CC2D1A: variants seen among roughly 807,000 people sequenced by gnomAD.
CC2D1A encodes the protein coiled-coil and C2 domain-containing protein 1A.
In CC2D1A, 68 loss-of-function variants were observed where a neutral mutation model predicts 123.8. That is an observed-to-expected ratio of 0.55 (90% CI 0.45 to 0.67). CC2D1A has a LOEUF of 0.67. CC2D1A is among the 30% of genes least tolerant of loss of function. The probability of loss-of-function intolerance (pLI) is 0.00; values close to 1 mark genes in which losing one functional copy is unlikely to be tolerated. For synonymous variants in CC2D1A, 477 were observed against 528.0 expected (o/e 0.90, Z 1.32); for missense variants, 1,185 against 1,290.3 (o/e 0.92, Z 1.25).
intron 17 of CC2D1A, among the ~76,000 whole-genome samples, chr19:13,926,058 G>GTGTATATA (rs1568419088): frequency 1.0e-5 from 1 of 98,982 alleles, no homozygotes; most frequent in Non-Finnish European, 2.0e-5. Context: ...GTATATATAT[G>GTGTATATA]TATATATACA....
chr19:13,913,754 T>A, intron 6 of CC2D1A, 116 bp downstream of exon 6: 2 of 742,126 alleles, frequency 2.7e-6, no homozygotes, highest in Non-Finnish European at 4.3e-6. Flanking sequence ...ACACCCTGAG[T>A]CCTGGGGTCT....
chr19:13,907,800 G>C (rs531051151), intron 1 of CC2D1A, among the ~76,000 whole-genome samples: 1 of 152,252 alleles, frequency 6.6e-6, no homozygotes, highest in Non-Finnish European at 1.5e-5. Context: ...GAAAGTGCTA[G>C]AACATAGCAC....
At chr19:13,927,106 G>C in intron 21 of CC2D1A, 29 bp downstream of exon 21, 1 of 1,611,176 alleles carries the variant, frequency 6.2e-7, no homozygotes. Context: ...TGGCCGCTGG[G>C]TGGGCTCCAG....
In CC2D1A at chr19:13,926,599, G is replaced by T. The variant is rs1455474986; in HGVS notation, c.2014+9G>T. 1.2e-6 allele frequency: 2 copies of T among 1,614,178 alleles called. No homozygotes were observed. The highest frequency in any genetic ancestry group is 1.7e-5 in the Admixed American group (1 of 60,024). On this transcript the variant is annotated intron_variant, in intron 18 of 28. Transcript: ENST00000318003. ...CTTGCCCACACCCCCAGGTGAGGGG[G>T]CTGTAGGCAAGGGTCAGGGTCATGG...
At chr19:13,910,698 G>A (rs1970970299) in intron 2 of CC2D1A, among the ~76,000 whole-genome samples, 1 of 152,128 alleles carries the variant, frequency 6.6e-6, no homozygotes, top group Admixed American at 6.6e-5. Context: ...ATCACTTGGG[G>A]CCAGGAGTTC....
chr19:13,906,441 G>A lies in CC2D1A; in HGVS notation c.-1G>A. 3 of 1,518,736 alleles carry A rather than the reference G, an allele frequency of 2.0e-6. 1 individual carries two copies. In the South Asian group the frequency reaches 3.7e-5, roughly 19 times the overall value. The allele number at this position is 1,518,736 out of a possible 1,614,324, so 94.1% of individuals were successfully genotyped here. A position where few individuals can be genotyped will look rare whatever the true frequency, so the allele number is the denominator to read the frequency against. ...GGTGGTCCGGGCATCCAGCCTTGAA[G>A]ATGCACAAGAGGAAAGGACCCCCGG... On this transcript the variant is annotated 5_prime_UTR_variant, in exon 1 of 29. Coordinates refer to ENST00000318003, the MANE Select transcript of CC2D1A (RefSeq NM_017721.5). The surrounding 1 kb of genome is among the most constrained non-coding windows in gnomAD (Gnocchi z 4.1).
Position 13,930,687 on chromosome 19 carries a change from T to TG in CC2D1A, c.*296dup. On this transcript the variant is annotated 3_prime_UTR_variant, in exon 29 of 29. Transcript: ENST00000318003. The surrounding 1 kb of genome is among the most constrained non-coding windows in gnomAD (Gnocchi z 6.8). Reference sequence around the variant, plus strand: ...CCCGCCCCGGAGCAGGGAGGGTGGCTGGGGCCAAGCCCCGAGGGCCCCTGC... The same window carrying TG: ...CCCGCCCCGGAGCAGGGAGGGTGGCTGGGGGCCAAGCCCCGAGGGCCCCTGC... The TG allele has an allele frequency of 2.0e-6, 1 of 494,318 alleles. No homozygotes were observed. Among genetic ancestry groups the TG allele is most frequent in the Non-Finnish European group, 3.6e-6 (1 of 281,196 alleles). The allele number at this position is 494,318 out of a possible 1,614,324, so 30.6% of individuals were successfully genotyped here.
At chr19:13,924,619 A>AAG (rs1971528790) in intron 17 of CC2D1A, among the ~76,000 whole-genome samples, 1 of 151,964 alleles carries the variant, frequency 6.6e-6, no homozygotes, top group Non-Finnish European at 1.5e-5. Flanking sequence ...ACAGGTGCCC[A>AAG]CCACCATGCC....
intron 17 of CC2D1A, among the ~76,000 whole-genome samples, chr19:13,926,013 TAC>T (rs1269486357): frequency 4.1e-5 from 5 of 123,338 alleles, no homozygotes; most frequent in Non-Finnish European, 4.6e-5. Flanking sequence ...TATATATATA[TAC>T]GTATATATAT....
At position 13,926,492 on chromosome 19, in the gene CC2D1A, GCCTGCCCA is replaced by G. The variant is rs1319036451; in HGVS notation, c.1941-14_1941-7del. On this transcript the variant is annotated splice_polypyrimidine_tract_variant and intron_variant, in intron 17 of 28. Coordinates refer to ENST00000318003, the MANE Select transcript of CC2D1A (RefSeq NM_017721.5). ...GGTGCCTCTGTTTCCCTGCCCACCT[GCCTGCCCA>G]CCTGCCCACCCGGAAGGATCTTCCC... The G allele has an allele frequency of 2.5e-6, 4 of 1,609,596 alleles. No homozygotes were observed. The Admixed American group carries it at 5.1e-5, about 20-fold the overall frequency.
rs781060128 is a variant in CC2D1A at position 13,918,924 on chromosome 19, C to T, written c.1031C>T (p.Pro344Leu). Residue 344 changes from proline (P) to leucine (L), a missense_variant, in exon 10 of 29, where the codon CCC becomes CTC. Pro to Leu is a moderately conservative substitution (Grantham distance 98). Coordinates refer to ENST00000318003, the MANE Select transcript of CC2D1A (RefSeq NM_017721.5). ...TAPSTTEVPP[P>L]PRTLLEALEQ... ...CTGTCCGGCCCAGAGGTGCCCCCAC[C>T]CCCGAGGACCCTGCTGGAGGCGCTG... is the stretch of plus-strand genomic sequence containing the variant. The T allele has an allele frequency of 6.2e-7, 1 of 1,609,682 alleles. No homozygotes were observed. The highest frequency in any genetic ancestry group is 2.2e-5 in the East Asian group (1 of 44,800).
rs1221797331 is a variant in CC2D1A at position 13,930,264 on chromosome 19, A to G, written c.2810A>G (p.Tyr937Cys). 6.2e-7 allele frequency: 1 copy of G among 1,613,896 alleles called. No individual in the cohort carries two copies. The highest frequency in any genetic ancestry group is 1.1e-5 in the South Asian group (1 of 91,082). Residue 937 changes from tyrosine to cysteine, a missense_variant, in exon 28 of 29, where the codon TAT becomes TGT. Physicochemically the swap from Tyr to Cys is radical, Grantham distance 194. Transcript: ENST00000318003. The surrounding 1 kb of genome is among the most constrained non-coding windows in gnomAD (Gnocchi z 6.8). ...CAGGATGCTGCAAAGGAGGCGCTCT[A>G]TAGGCGGAATCTGGTAGAGAGTGAG... ...GSRDAAKEALYRRNLVESELQ... is the reference protein window; with the variant it reads ...GSRDAAKEALCRRNLVESELQ...
intron 6 of CC2D1A, 64 bp downstream of exon 6, chr19:13,913,702 C>T (rs1251407667): frequency 9.4e-6 from 12 of 1,273,492 alleles, no homozygotes; most frequent in African/African-American, 3.0e-5. Context: ...GGATGCTGCT[C>T]TAGGGGGGTG....
Position 13,923,345 on chromosome 19 carries a change from C to T in CC2D1A, c.1654C>T (p.Pro552Ser). 6.2e-7 allele frequency: 1 copy of T among 1,608,566 alleles called. No homozygotes were observed. The highest frequency in any genetic ancestry group is 8.5e-7 in the Non-Finnish European group (1 of 1,179,748). Residue 552 changes from proline (P) to serine (S), a missense_variant, in exon 15 of 29, where the codon CCT becomes TCT. Transcript: ENST00000318003. This position sits in a 1 kb window ranked among gnomAD's most constrained non-coding sequence, Gnocchi z 5.3. ...PVDITKVPPAPVNKDDFALVQ... is the reference protein window; with the variant it reads ...PVDITKVPPASVNKDDFALVQ... The stretch of plus-strand genomic sequence containing the variant: ...TCGTCCTCCCCAGGTGCCGCCTGCC[C>T]CTGTCAACAAGGACGACTTTGCCCT...
In CC2D1A at chr19:13,906,310, G is replaced by C; in HGVS notation, c.-132G>C. The C allele has an allele frequency of 1.5e-6, 1 of 646,948 alleles. No individual in the cohort carries two copies. The allele number at this position is 646,948 out of a possible 1,614,324, so 40.1% of individuals were successfully genotyped here. ...GCCAAGCAGGGAAGCGAGGGCTCGG[G>C]ATCGACGGCCGCGGGGCGCCGACGA... is the stretch of plus-strand genomic sequence containing the variant. On this transcript the variant is annotated 5_prime_UTR_variant, in exon 1 of 29. Coordinates refer to ENST00000318003, the MANE Select transcript of CC2D1A (RefSeq NM_017721.5). This position sits in a 1 kb window ranked among gnomAD's most constrained non-coding sequence, Gnocchi z 4.1.
intron 23 of CC2D1A, 30 bp from the exon 24 acceptor site, chr19:13,928,094 G>C: frequency 6.2e-7 from 1 of 1,612,858 alleles, no homozygotes. Flanking sequence ...AGGGGCCCAG[G>C]ACTCACAGGA....
chr19:13,917,493 T>A (rs1384705288), intron 6 of CC2D1A, among the ~76,000 whole-genome samples: 1 of 152,062 alleles, frequency 6.6e-6, no homozygotes. Flanking sequence ...ACACCTGTAA[T>A]CCTACTTTGG....
Position 13,913,414 on chromosome 19 carries a change from A to G in CC2D1A, c.524A>G (p.Asn175Ser). Residue 175 changes from asparagine to serine, a missense_variant, in exon 6 of 29, where the codon AAC becomes AGC. By Grantham distance (46) the Asn-to-Ser change is conservative (BLOSUM62 1). Coordinates refer to ENST00000318003, the MANE Select transcript of CC2D1A (RefSeq NM_017721.5). ...CACGCCTTATCTTAGACACTGGAAA[A>G]CCTGCTCGCCTCCATCCGTAAGGGC... ...RYDRGLKTLE[N>S]LLASIRKGNA... The G allele has an allele frequency of 6.2e-7, 1 of 1,613,870 alleles. No homozygotes were observed.
chr19:13,926,696 G>A lies in CC2D1A; in HGVS notation c.2044G>A (p.Val682Ile), dbSNP rs1396248133. ...GTCCCCTGGCGATCTGGATGTCTTT[G>A]TTCGGTTTGACTTCCCCTATCCCAA... ...GLSPGDLDVF[V>I]RFDFPYPNVE... Residue 682 changes from valine to isoleucine, a missense_variant, in exon 19 of 29, where the codon GTT becomes ATT. By Grantham distance (29) the Val-to-Ile change is conservative. Coordinates refer to ENST00000318003, the MANE Select transcript of CC2D1A (RefSeq NM_017721.5). 6.2e-7 allele frequency: 1 copy of A among 1,614,162 alleles called. No individual in the cohort carries two copies. Among genetic ancestry groups the A allele is most frequent in the East Asian group, 2.2e-5 (1 of 44,862 alleles).
Sources: gnomAD v4.1 joint callset for allele counts (sites outside exome capture counted in the v4.1 genomes callset) on GRCh38, gnomAD v4.1.1 for gene constraint, Gnocchi (gnomAD v3.1) non-coding constraint, MANE v1.5 for transcripts, NCBI Gene and HGNC (gene_info 2026-07-23, HGNC 2026-07-21) for gene names.